Variants in MACROD2 observed in about 807,000 individuals in gnomAD.
MACROD2 encodes the protein mono-ADP ribosylhydrolase 2.
A neutral mutation model predicts 70.4 loss-of-function variants in MACROD2; 36 were observed. The ratio of observed to expected loss-of-function variants is 0.51; its 90% CI spans 0.39 to 0.68. MACROD2 has a LOEUF of 0.68. Among genes scored for constraint, MACROD2 ranks in the 30% least tolerant of loss-of-function variants. The probability of loss-of-function intolerance (pLI) is 0.00; values close to 1 mark genes in which losing one functional copy is unlikely to be tolerated. For synonymous variants in MACROD2, 172 were observed against 178.8 expected (o/e 0.96, Z 0.30); for missense variants, 496 against 538.4 (o/e 0.92, Z 0.78).
intron 6 of MACROD2, among the ~76,000 whole-genome samples, chr20:15,240,432 G>A (rs1162294597): frequency 6.6e-6 from 1 of 152,090 alleles, no homozygotes; most frequent in Non-Finnish European, 1.5e-5. Flanking sequence ...AGCTAGGTGT[G>A]GTGGTGCACA....
intron 9 of MACROD2, among the ~76,000 whole-genome samples, chr20:15,875,252 A>G (rs1251249769): frequency 6.6e-6 from 1 of 152,186 alleles, no homozygotes; most frequent in East Asian, 1.9e-4. Context: ...CTAATACGCC[A>G]GTCATCTATG....
chr20:14,614,425 A>C (rs1983356426), intron 4 of MACROD2, among the ~76,000 whole-genome samples: 1 of 152,104 alleles, frequency 6.6e-6, no homozygotes, highest in Non-Finnish European at 1.5e-5. Flanking sequence ...GGTGGGGCCC[A>C]GTACTGGGAG....
intron 3 of MACROD2, among the ~76,000 whole-genome samples, chr20:14,187,210 G>A (rs1178344537): frequency 6.7e-6 from 1 of 148,874 alleles, no homozygotes; most frequent in Non-Finnish European, 1.5e-5. Context: ...AGACCTGAAA[G>A]AATACAATGT....
chr20:15,981,852 G>A (rs1364254752), intron 13 of MACROD2, among the ~76,000 whole-genome samples: 1 of 152,142 alleles, frequency 6.6e-6, no homozygotes, highest in Non-Finnish European at 1.5e-5. Flanking sequence ...ACTCGTGCAG[G>A]AGGGGCTGAC....
chr20:14,484,545 A>G (rs543210149), intron 3 of MACROD2, among the ~76,000 whole-genome samples: 2 of 152,208 alleles, frequency 1.3e-5, no homozygotes, highest in East Asian at 3.9e-4. Flanking sequence ...CATTCTTTCT[A>G]TTGTTTTTAC....
intron 2 of MACROD2, among the ~76,000 whole-genome samples, chr20:14,040,340 T>C (rs1002056886): frequency 1.9e-4 from 29 of 152,182 alleles, no homozygotes; most frequent in Non-Finnish European, 4.4e-5. Flanking sequence ...TATCTAAACA[T>C]AGAAAAAGTA....
Position 14,419,235 on chromosome 20 carries a change from G to A in MACROD2, c.272-74244G>A, listed in dbSNP as rs375745100. The stretch of plus-strand genomic sequence containing the variant: ...ATGCCCGGCTAATTTTGTATTTTTA[G>A]TAGAGAAGGGGTTTCTCCGTGTTGG... On this transcript the variant is annotated intron_variant, in intron 3 of 17. Coordinates refer to ENST00000684519, the MANE Select transcript of MACROD2 (RefSeq NM_001351661.2). Among the ~76,000 whole-genome samples, 43 of 152,150 alleles carry A rather than the reference G, an allele frequency of 2.8e-4. 1 individual carries two copies. The highest frequency in any genetic ancestry group is 9.4e-4 in the African/African-American group (39 of 41,528).
intron 5 of MACROD2, among the ~76,000 whole-genome samples, chr20:14,725,066 T>G (rs889959975): frequency 2.6e-5 from 4 of 152,072 alleles, no homozygotes; most frequent in Non-Finnish European, 5.9e-5. Context: ...GGCTTGCTCA[T>G]GGATTGGATA....
intron 12 of MACROD2, among the ~76,000 whole-genome samples, chr20:15,946,367 C>T (rs550623287): frequency 6.6e-5 from 10 of 152,244 alleles, no homozygotes; most frequent in Admixed American, 4.6e-4. Flanking sequence ...ATCCTTCCTT[C>T]TTCCATCACA....
intron 3 of MACROD2, among the ~76,000 whole-genome samples, chr20:14,336,859 G>A (rs1283849801): frequency 1.3e-5 from 2 of 152,226 alleles, no homozygotes; most frequent in Non-Finnish European, 2.9e-5. Context: ...CACGATAGCA[G>A]TGCAAGCTTT....
At chr20:15,113,884 A>C (rs1027920358) in intron 5 of MACROD2, among the ~76,000 whole-genome samples, 1 of 151,848 alleles carries the variant, frequency 6.6e-6, no homozygotes, top group African/African-American at 2.4e-5. Context: ...GAAAGCTCCA[A>C]ATTATTCCAA....
intron 3 of MACROD2, among the ~76,000 whole-genome samples, chr20:14,404,226 T>A (rs1188854154): frequency 6.6e-6 from 1 of 152,050 alleles, no homozygotes; most frequent in East Asian, 1.9e-4. Flanking sequence ...AGTTCCAGAA[T>A]GAGATAATAA....
chr20:14,984,308 A>G (rs1429230853), intron 5 of MACROD2, among the ~76,000 whole-genome samples: 1 of 152,172 alleles, frequency 6.6e-6, no homozygotes, highest in Admixed American at 6.5e-5. Context: ...GCGGAGAACT[A>G]GTAGTAGCAG....
intron 3 of MACROD2, among the ~76,000 whole-genome samples, chr20:14,265,255 T>C (rs1019734143): frequency 1.3e-5 from 2 of 152,172 alleles, no homozygotes; most frequent in Non-Finnish European, 2.9e-5. Flanking sequence ...TACATTAGCA[T>C]AGAAAAGAGT....
intron 4 of MACROD2, among the ~76,000 whole-genome samples, chr20:14,676,499 A>G (rs1375549495): frequency 6.6e-6 from 1 of 152,226 alleles, no homozygotes; most frequent in Admixed American, 6.5e-5. Context: ...GCAGAAATAA[A>G]TAAATTCTTT....
At chr20:15,308,967 G>C (rs1398410896) in intron 6 of MACROD2, among the ~76,000 whole-genome samples, 1 of 152,108 alleles carries the variant, frequency 6.6e-6, no homozygotes, top group African/African-American at 2.4e-5. Flanking sequence ...CTCATGAGCA[G>C]CTTTTCACCT....
chr20:14,999,841 G>A (rs2074979156), intron 5 of MACROD2, among the ~76,000 whole-genome samples: 1 of 152,132 alleles, frequency 6.6e-6, no homozygotes, highest in African/African-American at 2.4e-5. Flanking sequence ...AAATAGCAAT[G>A]CAAAGGCATG....
intron 8 of MACROD2, among the ~76,000 whole-genome samples, chr20:15,653,287 C>T (rs1283968231): frequency 6.6e-6 from 1 of 152,102 alleles, no homozygotes; most frequent in Admixed American, 6.5e-5. Flanking sequence ...TTCATGACAT[C>T]GTGGATGATA....
chr20:15,488,602 T>C (rs958303031), intron 7 of MACROD2, among the ~76,000 whole-genome samples: 2 of 152,174 alleles, frequency 1.3e-5, no homozygotes, highest in African/African-American at 2.4e-5. Flanking sequence ...GCTCCTAGCG[T>C]GGATGTGACA....
Sources: allele counts gnomAD v4.1 joint callset (sites outside exome capture counted in the v4.1 genomes callset), GRCh38; gene constraint gnomAD v4.1.1; transcripts MANE v1.5; gene names NCBI Gene and HGNC (gene_info 2026-07-23, HGNC 2026-07-21).